The following C10orf67 variants were observed in gnomAD, a reference collection of about 807,000 sequenced individuals.
C10orf67 encodes the protein chromosome 10 open reading frame 67, also known as uncharacterized protein C10orf67, mitochondrial.
C10orf67 carries 60 observed loss-of-function variants against 35.6 expected under a neutral mutation model. That is an observed-to-expected ratio of 1.68 (90% CI 1.37 to 2.09). C10orf67 has a LOEUF of 2.09. C10orf67 is among the 30% of genes most tolerant of loss of function. The pLI is 0.00. For synonymous variants in C10orf67, 167 were observed against 115.8 expected, an observed-to-expected ratio of 1.44 and a Z score of -2.84; for missense variants, 474 against 330.2, an observed-to-expected ratio of 1.44 and a Z score of -3.38.
At chr10:23,253,155 A>G (rs1369959580) in intron 10 of C10orf67, among the ~76,000 whole-genome samples, 1 of 152,186 alleles carries the variant, frequency 6.6e-6, no homozygotes, top group Non-Finnish European at 1.5e-5. Flanking sequence ...AGTCTCAGGT[A>G]TGTCTTTATC....
intron 15 of C10orf67, among the ~76,000 whole-genome samples, chr10:23,219,283 T>C (rs1263141310): frequency 6.6e-6 from 1 of 152,228 alleles, no homozygotes; most frequent in African/African-American, 2.4e-5. Flanking sequence ...GTTTGAGCTT[T>C]CTCTTCCTGA....
intron 10 of C10orf67, among the ~76,000 whole-genome samples, chr10:23,254,969 A>G (rs1018840159): frequency 4.6e-5 from 7 of 152,188 alleles, no homozygotes; most frequent in Admixed American, 2.0e-4. Context: ...TTTCTGACTC[A>G]TCATGATGAA....
chr10:23,232,949 G>A (rs1283822079), intron 13 of C10orf67, among the ~76,000 whole-genome samples: 1 of 152,066 alleles, frequency 6.6e-6, no homozygotes, highest in African/African-American at 2.4e-5. Flanking sequence ...TTGAGGCCAG[G>A]AGTTCAAGAC....
At chr10:23,247,827 A>C (rs1041774126) in intron 12 of C10orf67, among the ~76,000 whole-genome samples, 13 of 152,206 alleles carry the variant, frequency 8.5e-5, no homozygotes, top group African/African-American at 2.7e-4. Context: ...GGTGACAGGC[A>C]CTGGATGGGC....
chr10:23,202,406 A>G (rs76163457), downstream of C10orf67: 1 of 152,138 alleles, frequency 6.6e-6, no homozygotes, highest in East Asian at 1.9e-4. Flanking sequence ...CCTTTCTGGC[A>G]TTAATTACAC....
intron 15 of C10orf67, among the ~76,000 whole-genome samples, chr10:23,213,988 TG>T (rs1020669114): frequency 2.0e-5 from 3 of 151,538 alleles, no homozygotes; most frequent in Non-Finnish European, 4.4e-5. Context: ...ATAAAAATAT[TG>T]AAAAAAATGA....
At chr10:23,279,539 C>A (rs1843303537) in intron 8 of C10orf67, among the ~76,000 whole-genome samples, 1 of 152,220 alleles carries the variant, frequency 6.6e-6, no homozygotes. Flanking sequence ...AACCTATGTA[C>A]TTCCTTCCTA....
At chr10:23,283,826 G>C (rs1280824796) in intron 7 of C10orf67, among the ~76,000 whole-genome samples, 2 of 151,938 alleles carry the variant, frequency 1.3e-5, no homozygotes, top group Non-Finnish European at 2.9e-5. Context: ...TGCCTCTTGT[G>C]TGCCGCACAC....
chr10:23,242,651 G>A (rs1336423368), intron 12 of C10orf67, among the ~76,000 whole-genome samples: 1 of 152,032 alleles, frequency 6.6e-6, no homozygotes, highest in Non-Finnish European at 1.5e-5. Context: ...ATAGTCTAAG[G>A]TTCTAGAATA....
chr10:23,216,193 GA>G (rs1841425780), intron 15 of C10orf67, among the ~76,000 whole-genome samples: 2 of 152,080 alleles, frequency 1.3e-5, no homozygotes, highest in South Asian at 4.1e-4. Context: ...CCCAATTATA[GA>G]AAAATCATCT....
chr10:23,295,499 A>G (rs1843855869), intron 5 of C10orf67, among the ~76,000 whole-genome samples: 1 of 152,350 alleles, frequency 6.6e-6, no homozygotes, highest in East Asian at 1.9e-4. Context: ...GCATTTCCTT[A>G]TAATACCTGA....
chr10:23,322,611 C>T (rs1845003474), intron 2 of C10orf67, 74 bp from the exon 3 acceptor site: 7 of 1,005,526 alleles, frequency 7.0e-6, no homozygotes, highest in Non-Finnish European at 1.0e-5. Flanking sequence ...TTGTCACTTG[C>T]TAAGTGGGAG....
At chr10:23,305,390 CTACT>C (rs778672238) in intron 4 of C10orf67, among the ~76,000 whole-genome samples, 30 of 152,184 alleles carry the variant, frequency 2.0e-4, no homozygotes, top group Non-Finnish European at 3.7e-4. Context: ...ATAATCCCAG[CTACT>C]TGGGAGGCTG....
chr10:23,287,621 G>T (rs553318688), intron 7 of C10orf67, among the ~76,000 whole-genome samples: 3 of 152,138 alleles, frequency 2.0e-5, no homozygotes, highest in East Asian at 3.9e-4. Context: ...CAAAATTGAC[G>T]AATGGGATCT....
chr10:23,211,487 G>T (rs1421596152), intron 15 of C10orf67, among the ~76,000 whole-genome samples: 2 of 131,856 alleles, frequency 1.5e-5, no homozygotes, highest in Non-Finnish European at 3.1e-5. Flanking sequence ...GTGGGGGGGG[G>T]GGGTATCACA....
chr10:23,234,264 G>T (rs1841982925), intron 13 of C10orf67, among the ~76,000 whole-genome samples: 1 of 152,136 alleles, frequency 6.6e-6, no homozygotes, highest in African/African-American at 2.4e-5. Context: ...CAAAGACATG[G>T]AATCAACTTA....
At chr10:23,215,899 C>T (rs1231100250) in intron 15 of C10orf67, among the ~76,000 whole-genome samples, 7 of 152,112 alleles carry the variant, frequency 4.6e-5, no homozygotes, top group African/African-American at 7.2e-5. Context: ...AAAGCTTAGC[C>T]ATCAATTTGT....
rs538578792 is a variant in C10orf67 at position 23,271,111 on chromosome 10, G to A, written c.976-3857C>T. On this transcript the variant is annotated intron_variant, in intron 8 of 15. Transcript: ENST00000636213. The stretch of plus-strand genomic sequence containing the variant: ...AAGCAAAAGGAAAACAGAAAAAAGT[G>A]GGATCACAATCCTAGTTTCTGACTA... 4.0e-3 allele frequency among the ~76,000 whole-genome samples: 588 copies of A among 147,774 alleles called. 3 individuals are homozygous for A. Among genetic ancestry groups the A allele is most frequent in the South Asian group, 6.3e-3 (29 of 4,596 alleles).
chr10:23,204,129 ACT>A lies in C10orf67; in HGVS notation c.*42_*43del, dbSNP rs993754304. ...CACCTTACACCAGGACGGCGAGGCC[ACT>A]CTTTCTGAGGCCCCGTCTGCGCAGC... On this transcript the variant is annotated 3_prime_UTR_variant, in exon 16 of 16. Coordinates refer to ENST00000636213, the MANE Select transcript of C10orf67 (RefSeq NM_001371909.1). 6 of 477,528 alleles carry A rather than the reference ACT, an allele frequency of 1.3e-5. No individual in the cohort carries two copies. The highest frequency in any genetic ancestry group is 1.2e-4 in the African/African-American group (6 of 49,514). The allele number at this position is 477,528 out of a possible 1,614,324, so 29.6% of individuals were successfully genotyped here.
Sources: gnomAD v4.1 joint callset for allele counts (sites outside exome capture counted in the v4.1 genomes callset) on GRCh38, gnomAD v4.1.1 for gene constraint, MANE v1.5 for transcripts, NCBI Gene and HGNC (gene_info 2026-07-23, HGNC 2026-07-21) for gene names.